The following LUZP2 variants were observed in gnomAD, a reference collection of about 807,000 sequenced individuals.
The protein encoded by LUZP2 is leucine zipper protein 2.
Under a neutral mutation model 51.6 loss-of-function variants are expected in LUZP2, and 52 were observed. That is an observed-to-expected ratio of 1.01 (90% CI 0.81 to 1.27). The LOEUF (loss-of-function observed/expected upper bound fraction) is 1.27. Among genes scored for constraint, LUZP2 ranks in the 50% most tolerant of loss-of-function variants. LUZP2 has a pLI of 0.00. For missense variants in LUZP2, 436 were observed against 395.4 expected (o/e 1.10, Z -0.87); for synonymous variants, 154 against 137.3 (o/e 1.12, Z -0.85).
At chr11:24,578,720 A>G (rs1852746424) in intron 1 of LUZP2, among the ~76,000 whole-genome samples, 1 of 152,136 alleles carries the variant, frequency 6.6e-6, no homozygotes. Flanking sequence ...TATAAGTGGA[A>G]GCTAAATATC....
At chr11:24,711,316 G>A (rs921646967) in intron 1 of LUZP2, among the ~76,000 whole-genome samples, 3 of 152,044 alleles carry the variant, frequency 2.0e-5, no homozygotes, top group Non-Finnish European at 4.4e-5. Flanking sequence ...CGGGTGTGGC[G>A]GCGGGTGCCT....
intron 7 of LUZP2, among the ~76,000 whole-genome samples, chr11:24,922,500 C>A (rs1282635158): frequency 1.3e-5 from 2 of 152,168 alleles, no homozygotes; most frequent in Non-Finnish European, 2.9e-5. Flanking sequence ...CTTATGTCAT[C>A]CACATGTTAA....
At chr11:24,990,004 T>C (rs887964993) in intron 9 of LUZP2, among the ~76,000 whole-genome samples, 2 of 152,126 alleles carry the variant, frequency 1.3e-5, no homozygotes, top group Non-Finnish European at 2.9e-5. Flanking sequence ...ATCCTACTTT[T>C]AGGTGGGATC....
At chr11:24,762,402 G>T (rs1159145419) in intron 4 of LUZP2, among the ~76,000 whole-genome samples, 1 of 152,092 alleles carries the variant, frequency 6.6e-6, no homozygotes, top group African/African-American at 2.4e-5. Context: ...ATTATGTCAT[G>T]AATAATCCAT....
intron 5 of LUZP2, among the ~76,000 whole-genome samples, chr11:24,874,153 G>C (rs1043293231): frequency 7.9e-5 from 12 of 152,118 alleles, no homozygotes; most frequent in Admixed American, 7.9e-4. Context: ...TAAAATGAAG[G>C]TTTTTGGGCC....
chr11:24,602,435 G>A (rs975586612), intron 1 of LUZP2, among the ~76,000 whole-genome samples: 19 of 139,842 alleles, frequency 1.4e-4, no homozygotes, highest in Non-Finnish European at 2.3e-4. Context: ...TATAAATATG[G>A]GGAAAATAAA....
At position 24,566,901 on chromosome 11, in the gene LUZP2, T is replaced by TAAG. The variant is rs1852254546; in HGVS notation, c.62+69596_62+69597insAAG. Among the ~76,000 whole-genome samples the TAAG allele has an allele frequency of 5.1e-4, 2 of 3,930 alleles. 1 individual carries two copies. The allele number at this position is 3,930 out of a possible 152,430, so 2.6% of individuals were successfully genotyped here. On this transcript the variant is annotated intron_variant, in intron 1 of 11. Coordinates refer to ENST00000336930, the MANE Select transcript of LUZP2 (RefSeq NM_001009909.4). ...TATAACATATATACATATTTATATA[T>TAAG]GTTATATATATATATATGTATATAT...
chr11:24,926,377 G>A (rs1159561601), intron 7 of LUZP2, among the ~76,000 whole-genome samples: 1 of 46,510 alleles, frequency 2.2e-5, no homozygotes, highest in African/African-American at 1.0e-4. Context: ...ATATATACGT[G>A]TGTATATATA....
rs1264155835 is a variant in LUZP2 at position 25,023,613 on chromosome 11, T to A, written c.766-26425T>A. Among the ~76,000 whole-genome samples the A allele has an allele frequency of 2.0e-5, 3 of 152,004 alleles. 1 individual carries two copies. Among genetic ancestry groups the A allele is most frequent in the African/African-American group, 7.2e-5 (3 of 41,394 alleles). On this transcript the variant is annotated intron_variant, in intron 9 of 11. Transcript: ENST00000336930. The stretch of plus-strand genomic sequence containing the variant: ...TGGATTCATTGATTTTTTTGAAGGG[T>A]TTTTTATGTCTCTATCTCCTTGAGT...
At chr11:24,601,990 GTATATATGTATATATATGTA>G (rs1297867308) in intron 1 of LUZP2, among the ~76,000 whole-genome samples, 98 of 138,364 alleles carry the variant, frequency 7.1e-4, no homozygotes, top group African/African-American at 2.6e-3. Flanking sequence ...ATATATATGT[GTATATATGTATATATATGTA>G]TATATGTATA....
intron 1 of LUZP2, among the ~76,000 whole-genome samples, chr11:24,545,576 A>G (rs1851514881): frequency 1.5e-5 from 1 of 66,554 alleles, no homozygotes; most frequent in Non-Finnish European, 3.5e-5. Flanking sequence ...TTTTTTTGAC[A>G]GCTTTGTAAA....
rs1859427293 is a variant in LUZP2, at chr11:25,080,261, A to C, written c.*1603A>C. On this transcript the variant is annotated 3_prime_UTR_variant, in exon 12 of 12. Coordinates refer to ENST00000336930, the MANE Select transcript of LUZP2 (RefSeq NM_001009909.4). ...ATGAAATATTCAACACTTTATTATAAAATAGGGTTTGTGTTAGACAATTTG... is the reference window on the plus strand; with the variant it reads ...ATGAAATATTCAACACTTTATTATACAATAGGGTTTGTGTTAGACAATTTG... 6.6e-6 allele frequency: 1 copy of C among 152,098 alleles called. No individual in the cohort carries two copies. Among genetic ancestry groups the C allele is most frequent in the Admixed American group, 6.6e-5 (1 of 15,260 alleles). The allele number at this position is 152,098 out of a possible 1,614,324, so 9.4% of individuals were successfully genotyped here. A position where few individuals can be genotyped will look rare whatever the true frequency, so the allele number is the denominator to read the frequency against.
chr11:24,734,151 G>A (rs1590417471), intron 3 of LUZP2, among the ~76,000 whole-genome samples: 1 of 151,754 alleles, frequency 6.6e-6, no homozygotes, highest in Admixed American at 6.6e-5. Flanking sequence ...GTAGACCAGG[G>A]TGAGAAAACA....
At chr11:24,623,612 A>G (rs1015667550) in intron 1 of LUZP2, among the ~76,000 whole-genome samples, 2 of 152,116 alleles carry the variant, frequency 1.3e-5, no homozygotes, top group Non-Finnish European at 2.9e-5. Context: ...TTGGGAGGCC[A>G]AGGCAGGCAG....
intron 5 of LUZP2, among the ~76,000 whole-genome samples, chr11:24,872,167 A>G (rs1184771823): frequency 1.3e-5 from 2 of 152,044 alleles, no homozygotes; most frequent in Non-Finnish European, 2.9e-5. Flanking sequence ...TGGGCTATCA[A>G]TTTCTTATAT....
chr11:24,943,503 T>A (rs1411043923), intron 7 of LUZP2, among the ~76,000 whole-genome samples: 1 of 152,208 alleles, frequency 6.6e-6, no homozygotes, highest in Non-Finnish European at 1.5e-5. Flanking sequence ...TGAGTGTCAG[T>A]CACCTTTTCC....
intron 6 of LUZP2, among the ~76,000 whole-genome samples, chr11:24,909,922 A>C (rs947662526): frequency 6.6e-6 from 1 of 152,180 alleles, no homozygotes; most frequent in African/African-American, 2.4e-5. Flanking sequence ...TCAGAAAAAA[A>C]CAAGAAGATG....
chr11:24,738,135 G>A (rs1859011033), intron 3 of LUZP2, 86 bp from the exon 4 acceptor site: 2 of 922,506 alleles, frequency 2.2e-6, no homozygotes, highest in African/African-American at 3.4e-5. Context: ...AATGTATACA[G>A]CAAAGCTCCT....
chr11:24,498,310 A>G (rs1849892117), intron 1 of LUZP2, among the ~76,000 whole-genome samples: 1 of 152,238 alleles, frequency 6.6e-6, no homozygotes, highest in Non-Finnish European at 1.5e-5. Context: ...TGGCAAATAA[A>G]GTAGGGATAT....
Sources: allele counts gnomAD v4.1 joint callset (sites outside exome capture counted in the v4.1 genomes callset), GRCh38; gene constraint gnomAD v4.1.1; transcripts MANE v1.5; gene names NCBI Gene and HGNC (gene_info 2026-07-23, HGNC 2026-07-21).